Variants in RALGAPA2 observed in about 807,000 individuals in gnomAD.
The protein encoded by RALGAPA2 is ral GTPase-activating protein subunit alpha-2.
Under a neutral mutation model 230.4 loss-of-function variants are expected in RALGAPA2, and 139 were observed. That is an observed-to-expected ratio of 0.60 (90% confidence interval 0.53 to 0.69). The LOEUF (loss-of-function observed/expected upper bound fraction) is 0.69, where lower values mean the gene tolerates loss of function less well. Ranked by LOEUF, RALGAPA2 falls within the 30% of genes least tolerant of loss-of-function variation. The pLI, the probability that RALGAPA2 is intolerant of heterozygous loss-of-function variation, is 0.00. For missense variants in RALGAPA2, 2,163 were observed against 2,276.0 expected (o/e 0.95, Z 1.01); for synonymous variants, 847 against 837.8 (o/e 1.01, Z -0.19).
chr20:20,633,967 C>T lies in RALGAPA2; in HGVS notation c.1005+1451G>A, dbSNP rs547423862. Among the ~76,000 whole-genome samples, 6 of 152,230 alleles carry T rather than the reference C, an allele frequency of 3.9e-5. No homozygotes were observed. In the East Asian group the frequency reaches 1.2e-3, roughly 29 times the overall value. On this transcript the variant is annotated intron_variant, in intron 9 of 39. Coordinates refer to ENST00000202677, the MANE Select transcript of RALGAPA2 (RefSeq NM_020343.4). ...ATGAAGGAGAGAGAGAAAGAGATTG[C>T]AGGATTGCAGATTTGATTAGATGTT...
At position 20,495,005 on chromosome 20, in the gene RALGAPA2, C is replaced by G. The variant is rs1569443984; in HGVS notation, c.5367+112G>C. The G allele has an allele frequency of 3.0e-6, 3 of 988,046 alleles. No homozygotes were observed. The East Asian group carries it at 7.6e-5, about 25-fold the overall frequency. 61.2% of individuals were successfully genotyped at this position (988,046 alleles called of 1,614,324 possible). The stretch of plus-strand genomic sequence containing the variant: ...ATAATTCAGATATATGTAAGACATT[C>G]AACAACTGGATGAGAGTCCCCTTTA... On this transcript the variant is annotated intron_variant, in intron 36 of 39. Transcript: ENST00000202677.
In RALGAPA2 at chr20:20,536,745, C is replaced by A; in HGVS notation, c.3325G>T (p.Val1109Phe). Reference protein sequence around the residue: ...SEAVTVLGSLVCFPNTYQEIP... With the variant: ...SEAVTVLGSLFCFPNTYQEIP... ...TCCTGGTAGGTATTTGGAAAGCAGACCAGAGAGCCGAGGACAGTGACAGCC... is the reference window on the plus strand; with the variant it reads ...TCCTGGTAGGTATTTGGAAAGCAGAACAGAGAGCCGAGGACAGTGACAGCC... Residue 1109 changes from valine to phenylalanine, a missense_variant, in exon 25 of 40, where the codon GTC (valine) becomes TTC (phenylalanine). Transcript: ENST00000202677. 6.2e-7 allele frequency: 1 copy of A among 1,612,838 alleles called. No individual in the cohort carries two copies. The highest frequency in any genetic ancestry group is 8.5e-7 in the Non-Finnish European group (1 of 1,179,126).
rs1415739577 is a variant in RALGAPA2, at chr20:20,398,119, C to T, written c.5618-1385G>A. On this transcript the variant is annotated intron_variant, in intron 38 of 39. Coordinates refer to ENST00000202677, the MANE Select transcript of RALGAPA2 (RefSeq NM_020343.4). The surrounding 1 kb of genome is among the most constrained non-coding windows in gnomAD (Gnocchi z 4.5). ...CTCATGGAAGAGGGCAAACATAGAGCATATCTGCGTGGGTCTTCCTTGAGT... is the reference window on the plus strand; with the variant it reads ...CTCATGGAAGAGGGCAAACATAGAGTATATCTGCGTGGGTCTTCCTTGAGT... 1.3e-5 allele frequency among the ~76,000 whole-genome samples: 2 copies of T among 152,176 alleles called. No individual in the cohort carries two copies. Among genetic ancestry groups the T allele is most frequent in the Non-Finnish European group, 1.5e-5 (1 of 68,032 alleles).
chr20:20,704,358 T>TA (rs939428630), intron 1 of RALGAPA2, among the ~76,000 whole-genome samples: 2 of 152,096 alleles, frequency 1.3e-5, no homozygotes, highest in African/African-American at 2.4e-5. Context: ...CCTCCAGTTC[T>TA]AAAAAAATAT....
chr20:20,586,951 C>T (rs116999701), intron 18 of RALGAPA2, among the ~76,000 whole-genome samples: 4,403 of 151,994 alleles, frequency 0.029, 99 homozygotes, highest in Middle Eastern at 0.045. Context: ...ACCCCAGTGT[C>T]CCATGTAACA....
intron 23 of RALGAPA2, among the ~76,000 whole-genome samples, chr20:20,550,223 G>C (rs540057944): frequency 3.9e-4 from 60 of 152,252 alleles, no homozygotes; most frequent in African/African-American, 1.2e-3. Flanking sequence ...CCACTTATGA[G>C]TGAGAACATA....
At chr20:20,603,121 T>C (rs937138810) in intron 15 of RALGAPA2, among the ~76,000 whole-genome samples, 9 of 152,238 alleles carry the variant, frequency 5.9e-5, no homozygotes, top group Admixed American at 3.3e-4. Flanking sequence ...CCTACTTCAA[T>C]CCTAAATCTC....
chr20:20,520,937 T>C lies in RALGAPA2; in HGVS notation c.4064A>G (p.Asn1355Ser), dbSNP rs1325794910. The C allele has an allele frequency of 6.2e-7, 1 of 1,610,938 alleles. No individual in the cohort carries two copies. Among genetic ancestry groups the C allele is most frequent in the Non-Finnish European group, 8.5e-7 (1 of 1,177,578 alleles). The change falls in exon 31 of 40, where the codon AAC becomes AGC. Residue 1355 changes from asparagine to serine, a missense_variant. Coordinates refer to ENST00000202677, the MANE Select transcript of RALGAPA2 (RefSeq NM_020343.4). ...VQYHSSAELGNLLTVEEEKKR... is the reference protein window; with the variant it reads ...VQYHSSAELGSLLTVEEEKKR... The stretch of plus-strand genomic sequence containing the variant: ...CTCACCCTCTTCAACAGTCAGCAGG[T>C]TACCCAATTCTGCTGATGAATGATA...
chr20:20,703,583 G>A (rs1472909555), intron 1 of RALGAPA2, among the ~76,000 whole-genome samples: 1 of 152,170 alleles, frequency 6.6e-6, no homozygotes, highest in Non-Finnish European at 1.5e-5. Flanking sequence ...GATTGCTTAA[G>A]GTAGTAATTT....
intron 37 of RALGAPA2, among the ~76,000 whole-genome samples, chr20:20,466,750 C>G (rs2061429284): frequency 6.6e-6 from 1 of 152,180 alleles, no homozygotes; most frequent in Non-Finnish European, 1.5e-5. Context: ...CATCTCCAAT[C>G]TGTGGCCAAC....
intron 20 of RALGAPA2, among the ~76,000 whole-genome samples, chr20:20,576,507 C>T (rs551854260): frequency 6.6e-6 from 1 of 152,196 alleles, no homozygotes; most frequent in East Asian, 1.9e-4. Flanking sequence ...CTGGAATGAA[C>T]TTCTCTTAGC....
rs374536382 is a variant in RALGAPA2 at position 20,572,918 on chromosome 20, C to G, written c.2858G>C (p.Arg953Thr). Reference protein sequence around the residue: ...NNIQSPKIHARVFCYLYELWY... With the variant: ...NNIQSPKIHATVFCYLYELWY... ...GAGTTCATAGAGATAGCAGAAAACT[C>G]TGGCATGGATCTTGGGTGACTGGAT... is the stretch of plus-strand genomic sequence containing the variant. Residue 953 changes from arginine to threonine, a missense_variant, in exon 21 of 40, where the codon AGA becomes ACA. Arg to Thr is a moderately conservative substitution (Grantham distance 71). Coordinates refer to ENST00000202677, the MANE Select transcript of RALGAPA2 (RefSeq NM_020343.4). 3 of 1,566,086 alleles carry G rather than the reference C, an allele frequency of 1.9e-6. No homozygotes were observed. The South Asian group carries it at 3.5e-5, about 18-fold the overall frequency.
chr20:20,637,671 A>G (rs1381616145), intron 7 of RALGAPA2, among the ~76,000 whole-genome samples, 170 bp from the exon 8 acceptor site: 1 of 152,246 alleles, frequency 6.6e-6, no homozygotes, highest in African/African-American at 2.4e-5. Flanking sequence ...GATGGCAGGA[A>G]TGAATACTTC....
intron 4 of RALGAPA2, among the ~76,000 whole-genome samples, chr20:20,647,402 T>A (rs1360597202): frequency 2.7e-5 from 4 of 149,964 alleles, no homozygotes; most frequent in Non-Finnish European, 3.0e-5. Context: ...ACAGAGAACT[T>A]CCTGGCACTA....
At chr20:20,489,756 C>CA (rs1385680517) in intron 36 of RALGAPA2, among the ~76,000 whole-genome samples, 1 of 152,200 alleles carries the variant, frequency 6.6e-6, no homozygotes, top group Non-Finnish European at 1.5e-5. Context: ...ACATTGTGTG[C>CA]ACCTGTGTGC....
intron 24 of RALGAPA2, among the ~76,000 whole-genome samples, chr20:20,537,047 G>A (rs2063516583): frequency 1.3e-5 from 2 of 152,200 alleles, no homozygotes; most frequent in Non-Finnish European, 2.9e-5. Flanking sequence ...AAAGGCCAAT[G>A]ACTCTGTCAT....
intron 3 of RALGAPA2, among the ~76,000 whole-genome samples, chr20:20,654,035 A>G (rs1430969611): frequency 6.6e-6 from 1 of 152,214 alleles, no homozygotes; most frequent in African/African-American, 2.4e-5. Context: ...ATGAGACTGT[A>G]AACAACTCAG....
chr20:20,533,113 T>C (rs1463503295), intron 26 of RALGAPA2, among the ~76,000 whole-genome samples: 4 of 151,722 alleles, frequency 2.6e-5, no homozygotes, highest in Non-Finnish European at 5.9e-5. Flanking sequence ...AAAAGAAATA[T>C]TATACCTTAT....
intron 36 of RALGAPA2, among the ~76,000 whole-genome samples, chr20:20,490,398 T>C (rs750132020): frequency 6.6e-6 from 1 of 152,204 alleles, no homozygotes; most frequent in African/African-American, 2.4e-5. Context: ...GAACATAACA[T>C]AGTAATCCAT....
Sources: gnomAD v4.1 joint callset for allele counts (sites outside exome capture counted in the v4.1 genomes callset) on GRCh38, gnomAD v4.1.1 for gene constraint, Gnocchi (gnomAD v3.1) non-coding constraint, MANE v1.5 for transcripts, NCBI Gene and HGNC (gene_info 2026-07-23, HGNC 2026-07-21) for gene names.